Variants in SGCZ observed in about 807,000 individuals in gnomAD.
SGCZ encodes zeta-sarcoglycan.
In SGCZ, 40 loss-of-function variants were observed where a neutral mutation model predicts 41.3. That is an observed-to-expected ratio of 0.97 (90% CI 0.75 to 1.26). The LOEUF (loss-of-function observed/expected upper bound fraction) is 1.26. Ranked by LOEUF, SGCZ falls within the 50% of genes most tolerant of loss-of-function variation. SGCZ has a pLI of 0.00. For synonymous variants in SGCZ, 206 were observed against 137.5 expected, an observed-to-expected ratio of 1.50 and a Z score of -3.49; for missense variants, 552 against 369.8, an observed-to-expected ratio of 1.49 and a Z score of -4.04.
At chr8:14,579,433 G>A (rs1260558544) in intron 1 of SGCZ, among the ~76,000 whole-genome samples, 1 of 152,054 alleles carries the variant, frequency 6.6e-6, no homozygotes, top group Non-Finnish European at 1.5e-5. Flanking sequence ...ATCAAGCATT[G>A]TATCTTGTAC....
At chr8:15,139,697 T>C (rs992788871) in intron 1 of SGCZ, among the ~76,000 whole-genome samples, 1 of 152,216 alleles carries the variant, frequency 6.6e-6, no homozygotes, top group African/African-American at 2.4e-5. Context: ...AGTCCTCATG[T>C]TGTACATTAG....
At position 14,531,894 on chromosome 8, in the gene SGCZ, G is replaced by A. The variant is rs2117127248; in HGVS notation, c.234+22838C>T. On this transcript the variant is annotated intron_variant, in intron 2 of 7. Transcript: ENST00000382080. The stretch of plus-strand genomic sequence containing the variant: ...GTTTGATAGCTATTTGGGTCCTTAA[G>A]TAAGAATTTACTAGGACCCATGAAA... Among the ~76,000 whole-genome samples, 2 of 152,138 alleles carry A rather than the reference G, an allele frequency of 1.3e-5. 1 individual carries two copies. The highest frequency in any genetic ancestry group is 4.1e-4 in the South Asian group (2 of 4,830).
intron 1 of SGCZ, among the ~76,000 whole-genome samples, chr8:14,779,314 A>T (rs755226885): frequency 2.0e-5 from 3 of 152,206 alleles, no homozygotes; most frequent in Non-Finnish European, 2.9e-5. Context: ...ATGTTATGAG[A>T]ACACTCAAGC....
intron 2 of SGCZ, among the ~76,000 whole-genome samples, chr8:14,528,087 T>C (rs1803009292): frequency 6.6e-6 from 1 of 152,046 alleles, no homozygotes; most frequent in Admixed American, 6.6e-5. Flanking sequence ...TAGATTCAAA[T>C]GTAGACCTTA....
At chr8:14,396,672 C>A (rs1431135067) in intron 2 of SGCZ, among the ~76,000 whole-genome samples, 1 of 152,020 alleles carries the variant, frequency 6.6e-6, no homozygotes, top group Non-Finnish European at 1.5e-5. Flanking sequence ...TTATTAAATT[C>A]TCCCTTCAAA....
chr8:14,244,208 CCTCTTCCTTCTTCCTCCTCCTT>C (rs1563208247), intron 3 of SGCZ, among the ~76,000 whole-genome samples: 5 of 147,292 alleles, frequency 3.4e-5, no homozygotes, highest in South Asian at 4.4e-4. Context: ...CCTTCTTCCT[CCTCTTCCTTCTTCCTCCTCCTT>C]CTCTTCCTTC....
chr8:14,761,112 T>G (rs1799857328), intron 1 of SGCZ, among the ~76,000 whole-genome samples: 1 of 152,226 alleles, frequency 6.6e-6, no homozygotes, highest in Non-Finnish European at 1.5e-5. Flanking sequence ...ATGTAATTAG[T>G]ATAATTAAAG....
chr8:14,097,375 G>A (rs373394128), intron 7 of SGCZ, among the ~76,000 whole-genome samples: 1 of 152,112 alleles, frequency 6.6e-6, no homozygotes, highest in Non-Finnish European at 1.5e-5. Context: ...TCAGGAGCAG[G>A]TTGTTCAGTT....
chr8:15,185,272 C>T (rs781431947), intron 1 of SGCZ, among the ~76,000 whole-genome samples: 8 of 152,144 alleles, frequency 5.3e-5, no homozygotes, highest in Non-Finnish European at 8.8e-5. Flanking sequence ...GAATTAACAA[C>T]AGCAGATTTT....
intron 1 of SGCZ, among the ~76,000 whole-genome samples, chr8:15,120,471 A>G (rs1006711648): frequency 6.6e-6 from 1 of 152,216 alleles, no homozygotes; most frequent in Admixed American, 6.5e-5. Flanking sequence ...AATACATACC[A>G]TTATCAAAGA....
intron 1 of SGCZ, among the ~76,000 whole-genome samples, chr8:14,782,668 A>G (rs1013510732): frequency 3.3e-5 from 5 of 152,198 alleles, no homozygotes; most frequent in African/African-American, 9.6e-5. Context: ...TAGATGAATT[A>G]TTGAGATGGT....
intron 1 of SGCZ, among the ~76,000 whole-genome samples, chr8:15,223,495 T>C (rs1801670055): frequency 1.3e-5 from 2 of 152,218 alleles, no homozygotes; most frequent in Non-Finnish European, 2.9e-5. Flanking sequence ...TTGTTACCAT[T>C]TACTTCATTA....
chr8:14,875,643 G>A (rs1243269163), intron 1 of SGCZ, among the ~76,000 whole-genome samples: 3 of 152,094 alleles, frequency 2.0e-5, no homozygotes, highest in Admixed American at 2.0e-4. Context: ...TGAAAGGCTA[G>A]GACCTGGTTA....
intron 2 of SGCZ, among the ~76,000 whole-genome samples, chr8:14,396,073 G>T (rs1798911041): frequency 6.6e-6 from 1 of 152,050 alleles, no homozygotes; most frequent in Non-Finnish European, 1.5e-5. Context: ...CAAGGTATGG[G>T]TACCATTTGC....
chr8:14,291,917 G>A lies in SGCZ; in HGVS notation c.336+32186C>T, dbSNP rs529294622. The stretch of plus-strand genomic sequence containing the variant: ...TCTATGATTCGCATTCTGAGTTTCT[G>A]TCTAAAAGCCCCAACTACTTTAATA... On this transcript the variant is annotated intron_variant, in intron 3 of 7. Coordinates refer to ENST00000382080, the MANE Select transcript of SGCZ (RefSeq NM_139167.4). Among the ~76,000 whole-genome samples, 13 of 152,040 alleles carry A rather than the reference G, an allele frequency of 8.6e-5. No individual in the cohort carries two copies. The East Asian group carries it at 2.5e-3, about 29-fold the overall frequency.
chr8:14,342,691 G>A (rs995529684), intron 2 of SGCZ, among the ~76,000 whole-genome samples: 3 of 151,972 alleles, frequency 2.0e-5, no homozygotes, highest in African/African-American at 7.3e-5. Flanking sequence ...GTTTTAGTCG[G>A]GAAGCAGAGC....
chr8:14,938,552 A>T (rs900059785), intron 1 of SGCZ, among the ~76,000 whole-genome samples: 1 of 152,222 alleles, frequency 6.6e-6, no homozygotes, highest in Non-Finnish European at 1.5e-5. Context: ...AATATACATA[A>T]CATACAAATA....
At chr8:14,429,574 T>C (rs1410534601) in intron 2 of SGCZ, among the ~76,000 whole-genome samples, 2 of 152,204 alleles carry the variant, frequency 1.3e-5, no homozygotes, top group Non-Finnish European at 2.9e-5. Context: ...TCACAACCTC[T>C]GAATATGACC....
In SGCZ at chr8:14,470,482, C is replaced by A. The variant is rs184134490; in HGVS notation, c.234+84250G>T. On this transcript the variant is annotated intron_variant, in intron 2 of 7. Coordinates refer to ENST00000382080, the MANE Select transcript of SGCZ (RefSeq NM_139167.4). ...AAATGTTGCAAAATTTGTCAAAAGT[C>A]ACAACTTAAAAAAATAGCACAGCAA... is the stretch of plus-strand genomic sequence containing the variant. Among the ~76,000 whole-genome samples the A allele has an allele frequency of 4.0e-3, 602 of 152,014 alleles. 5 individuals carry two copies. Among genetic ancestry groups the A allele is most frequent in the Non-Finnish European group, 6.7e-3 (452 of 67,948 alleles).
Sources: allele counts gnomAD v4.1 joint callset (sites outside exome capture counted in the v4.1 genomes callset), GRCh38; gene constraint gnomAD v4.1.1; transcripts MANE v1.5; gene names NCBI Gene and HGNC (gene_info 2026-07-23, HGNC 2026-07-21).